MSR1: variants seen among roughly 807,000 people sequenced by gnomAD.
The protein encoded by MSR1 is macrophage scavenger receptor 1.
A neutral mutation model predicts 47.2 loss-of-function variants in MSR1; 53 were observed. That is an observed-to-expected ratio of 1.12 (90% CI 0.90 to 1.41). The LOEUF (loss-of-function observed/expected upper bound fraction) is 1.41. Ranked by LOEUF, MSR1 falls within the 40% of genes most tolerant of loss-of-function variation. MSR1 has a pLI of 0.00. For missense variants in MSR1, 786 were observed against 546.9 expected, an observed-to-expected ratio of 1.44 and a Z score of -4.36; for synonymous variants, 239 against 185.6, an observed-to-expected ratio of 1.29 and a Z score of -2.34.
chr8:16,184,724 A>T (rs755887084), intron 1 of MSR1, among the ~76,000 whole-genome samples: 2 of 152,138 alleles, frequency 1.3e-5, no homozygotes, highest in Non-Finnish European at 2.9e-5. Context: ...TGTTTATGAA[A>T]CATTTTGCTT....
intron 8 of MSR1, among the ~76,000 whole-genome samples, chr8:16,132,474 G>A (rs1316339662): frequency 6.6e-6 from 1 of 151,820 alleles, no homozygotes; most frequent in Non-Finnish European, 1.5e-5. Context: ...TTGATACTGT[G>A]TATTTCTTTT....
intron 5 of MSR1, among the ~76,000 whole-genome samples, chr8:16,160,091 C>G (rs1221730962): frequency 6.6e-6 from 1 of 151,970 alleles, no homozygotes; most frequent in Non-Finnish European, 1.5e-5. Flanking sequence ...ACAGGCAAAA[C>G]TGTATGTCTA....
At chr8:16,163,339 A>G (rs560995812) in intron 5 of MSR1, among the ~76,000 whole-genome samples, 2 of 152,036 alleles carry the variant, frequency 1.3e-5, no homozygotes, top group East Asian at 1.9e-4. Context: ...ATTCATTACA[A>G]GAGACTAACC....
At chr8:16,121,147 G>A in intron 8 of MSR1, 1 of 436,150 alleles carries the variant, frequency 2.3e-6, no homozygotes, top group South Asian at 1.7e-5. Flanking sequence ...TTTAGAAATA[G>A]CAAAGACTTT....
In MSR1 at chr8:16,168,558, G is replaced by C. The variant is rs747444589; in HGVS notation, c.530C>G (p.Ser177Cys). 8 of 1,614,100 alleles carry C rather than the reference G, an allele frequency of 5.0e-6. No individual in the cohort carries two copies. Among genetic ancestry groups the C allele is most frequent in the South Asian group, 2.2e-5 (2 of 91,086 alleles). Residue 177 changes from serine (S) to cysteine (C), a missense_variant, in exon 4 of 10, where the codon TCC (serine) becomes TGC (cysteine). By Grantham distance (112) the Ser-to-Cys change is moderately radical (BLOSUM62 -1). Transcript: ENST00000262101. ...GGTATTCAAACTTATTAAGGACTTG[G>C]AGATTTCATCTATTGCATTCCCATG... Reference protein sequence around the residue: ...QGHGNAIDEISKSLISLNTTL... With the variant: ...QGHGNAIDEICKSLISLNTTL...
chr8:16,124,279 T>C (rs1224757882), intron 8 of MSR1, among the ~76,000 whole-genome samples: 1 of 152,104 alleles, frequency 6.6e-6, no homozygotes. Flanking sequence ...TTAAGTCCAT[T>C]CCATAAAAGA....
Position 16,168,692 on chromosome 8 carries a change from T to C in MSR1, c.396A>G (p.Glu132=). 4 of 1,614,210 alleles carry C rather than the reference T, an allele frequency of 2.5e-6. No homozygotes were observed. Among genetic ancestry groups the C allele is most frequent in the Non-Finnish European group, 3.4e-6 (4 of 1,180,024 alleles). ...EKRIQHILDM[E]ANLMDTEHFQ... Reference sequence around the variant, plus strand: ...AATGCTCTGTGTCCATGAGGTTGGCTTCCATGTCTAAAATATGCTGGATTC... The same window carrying C: ...AATGCTCTGTGTCCATGAGGTTGGCCTCCATGTCTAAAATATGCTGGATTC... Residue 132 remains glutamate (E), a synonymous_variant, in exon 4 of 10, where the codon GAA becomes GAG. Coordinates refer to ENST00000262101, the MANE Select transcript of MSR1 (RefSeq NM_138715.3).
chr8:16,175,104 A>T, intron 3 of MSR1, 83 bp downstream of exon 3: 1 of 1,110,928 alleles, frequency 9.0e-7, no homozygotes, highest in Non-Finnish European at 1.4e-6. Flanking sequence ...CCATATACAA[A>T]AGACTGAATG....
At chr8:16,126,672 T>C (rs1372859381) in intron 8 of MSR1, among the ~76,000 whole-genome samples, 1 of 152,164 alleles carries the variant, frequency 6.6e-6, no homozygotes, top group Non-Finnish European at 1.5e-5. Flanking sequence ...ACATATTGTG[T>C]TACTCCTAAA....
chr8:16,187,364 C>CAAAAAAAAAAAAAAAA (rs751848634), intron 1 of MSR1, among the ~76,000 whole-genome samples: 1 of 35,412 alleles, frequency 2.8e-5, no homozygotes, highest in Admixed American at 4.2e-4. Context: ...ACTCTGTCTC[C>CAAAAAAAAAAAAAAAA]AAAAAAAAAA....
intron 4 of MSR1, among the ~76,000 whole-genome samples, chr8:16,167,809 G>A (rs1023612897): frequency 1.3e-5 from 2 of 152,116 alleles, no homozygotes; most frequent in African/African-American, 4.8e-5. Flanking sequence ...ACTATGGACA[G>A]TTTCTTCTTT....
chr8:16,152,506 G>A (rs1049616122), intron 6 of MSR1, among the ~76,000 whole-genome samples: 28 of 152,036 alleles, frequency 1.8e-4, no homozygotes, highest in African/African-American at 6.3e-4. Context: ...TTCAGACTAC[G>A]TAAGGAAGTA....
intron 8 of MSR1, chr8:16,121,330 T>C (rs1800001657): frequency 3.8e-6 from 1 of 262,402 alleles, no homozygotes; most frequent in Admixed American, 5.1e-5. Context: ...AATTTTGTTC[T>C]GTAATGTCTA....
intron 1 of MSR1, among the ~76,000 whole-genome samples, chr8:16,179,685 G>C (rs1344508107): frequency 6.6e-6 from 1 of 151,844 alleles, no homozygotes; most frequent in African/African-American, 2.4e-5. Context: ...TTCGAGACCA[G>C]CCTGGCCAAC....
chr8:16,186,401 C>T, intron 1 of MSR1: 1 of 545,834 alleles, frequency 1.8e-6, no homozygotes, highest in Non-Finnish European at 3.2e-6. Flanking sequence ...TTGCCCATAG[C>T]TCGTCTCTCA....
chr8:16,186,348 T>C, intron 1 of MSR1: 1 of 671,316 alleles, frequency 1.5e-6, no homozygotes, highest in South Asian at 2.1e-5. Context: ...CTCATTGCTT[T>C]AAATATAATC....
chr8:16,139,765 AAAAAAAAAAATATATATATATATATAT>A (rs1326368985), intron 8 of MSR1: 4 of 161,556 alleles, frequency 2.5e-5, no homozygotes, highest in Admixed American at 4.5e-4. Flanking sequence ...AAAAAAAAAA[AAAAAAAAAAATATATATATATATATAT>A]ATATATATAT....
intron 5 of MSR1, among the ~76,000 whole-genome samples, chr8:16,159,445 T>C (rs1037039976): frequency 2.6e-5 from 4 of 151,984 alleles, no homozygotes; most frequent in African/African-American, 7.2e-5. Context: ...TATAACTATT[T>C]GAGAAATGTA....
At chr8:16,125,931 C>A (rs1286044744) in intron 8 of MSR1, among the ~76,000 whole-genome samples, 3 of 151,702 alleles carry the variant, frequency 2.0e-5, no homozygotes, top group African/African-American at 7.3e-5. Flanking sequence ...TGCACCCAGC[C>A]AAAATTATAT....
Sources: gnomAD v4.1 joint callset for allele counts (sites outside exome capture counted in the v4.1 genomes callset) on GRCh38, gnomAD v4.1.1 for gene constraint, MANE v1.5 for transcripts, NCBI Gene and HGNC (gene_info 2026-07-23, HGNC 2026-07-21) for gene names.